ITPR2: variants seen among roughly 807,000 people sequenced by gnomAD.
ITPR2 encodes inositol 1,4,5-trisphosphate receptor type 2.
Under a neutral mutation model 317.1 loss-of-function variants are expected in ITPR2, and 207 were observed. The ratio of observed to expected loss-of-function variants is 0.65; its 90% CI spans 0.58 to 0.73. The LOEUF (loss-of-function observed/expected upper bound fraction) is 0.73. Ranked by LOEUF, ITPR2 falls within the 30% of genes least tolerant of loss-of-function variation. The probability of loss-of-function intolerance (pLI) is 0.00; values close to 1 mark genes in which losing one functional copy is unlikely to be tolerated. For synonymous variants in ITPR2, 1,156 were observed against 1,149.1 expected (o/e 1.01, Z -0.12); for missense variants, 2,613 against 3,284.0 (o/e 0.80, Z 4.99).
In ITPR2 at chr12:26,596,724, T is replaced by G. The variant is rs1164952768; in HGVS notation, c.4254+159A>C. On this transcript the variant is annotated intron_variant, in intron 31 of 56. Coordinates refer to ENST00000381340, the MANE Select transcript of ITPR2 (RefSeq NM_002223.4). ...TTCTTATTAAAAAGTAGACCTTCTA[T>G]GCTCTTTTACATTTTCCAAATTATA... Among the ~76,000 whole-genome samples, 5 of 152,154 alleles carry G rather than the reference T, an allele frequency of 3.3e-5. No individual in the cohort carries two copies. In the East Asian group the frequency reaches 9.7e-4, roughly 29 times the overall value.
At position 26,567,948 on chromosome 12, in the gene ITPR2, TA is replaced by T. The variant is rs1565609261; in HGVS notation, c.4631-5997del. 9.3e-5 allele frequency among the ~76,000 whole-genome samples: 3 copies of T among 32,250 alleles called. 1 individual carries two copies. The highest frequency in any genetic ancestry group is 3.1e-4 in the African/African-American group (3 of 9,608). The allele number at this position is 32,250 out of a possible 152,430, so 21.2% of individuals were successfully genotyped here. ...CTAGAAAAATTCTGGTATATATATATATTATATATATATATATATATTATAT... is the reference window on the plus strand; with the variant it reads ...CTAGAAAAATTCTGGTATATATATATTTATATATATATATATATATTATAT... On this transcript the variant is annotated intron_variant, in intron 34 of 56. Transcript: ENST00000381340.
At chr12:26,724,605 A>T in intron 4 of ITPR2, 51 bp downstream of exon 4, 1 of 1,167,356 alleles carries the variant, frequency 8.6e-7, no homozygotes, top group East Asian at 2.4e-5. Context: ...CTGCCAACTT[A>T]CTGACAAACT....
At chr12:26,763,201 A>T (rs1433395706) in intron 2 of ITPR2, among the ~76,000 whole-genome samples, 4 of 152,148 alleles carry the variant, frequency 2.6e-5, no homozygotes, top group Non-Finnish European at 5.9e-5. Flanking sequence ...TTCATAATGT[A>T]TACATATATT....
At chr12:26,518,663 A>G (rs1943590765) in intron 37 of ITPR2, among the ~76,000 whole-genome samples, 1 of 152,200 alleles carries the variant, frequency 6.6e-6, no homozygotes, top group South Asian at 2.1e-4. Context: ...TTTTAAACCA[A>G]CTCATTAAAT....
At chr12:26,814,909 TTA>T (rs1464760447) in intron 1 of ITPR2, among the ~76,000 whole-genome samples, 6 of 152,182 alleles carry the variant, frequency 3.9e-5, no homozygotes, top group Non-Finnish European at 8.8e-5. Context: ...GATAATTTGA[TTA>T]GTTACTATTT....
In ITPR2 at chr12:26,481,179, G is replaced by A. The variant is rs571575119; in HGVS notation, c.6075C>T (p.Asp2025=). 3 of 1,613,712 alleles carry A rather than the reference G, an allele frequency of 1.9e-6. No homozygotes were observed. Among genetic ancestry groups the A allele is most frequent in the South Asian group, 2.2e-5 (2 of 91,058 alleles). The change falls in exon 43 of 57, where the codon GAC becomes GAT. Residue 2025 remains aspartate, a synonymous_variant. Transcript: ENST00000381340. ...IDIIIALILN[D]INPLGKYRMD... is the part of the protein sequence containing the mutation. ...TTCGGTATTTACCAAGAGGGTTTAT[G>A]TCATTCAGAATCAAAGCAATGATGA...
rs373702971 is a variant in ITPR2 at position 26,443,633 on chromosome 12, T to C, written c.6360A>G (p.Lys2120=). 7.4e-6 allele frequency: 12 copies of C among 1,612,744 alleles called. No homozygotes were observed. Among genetic ancestry groups the C allele is most frequent in the Non-Finnish European group, 8.5e-6 (10 of 1,179,108 alleles). The change falls in exon 46 of 57, where the codon AAA becomes AAG. Residue 2120 remains lysine (K), a synonymous_variant. Transcript: ENST00000381340. The part of the protein sequence containing the change: ...ILAHQLARHN[K]LLQQMLKPGS... The stretch of plus-strand genomic sequence containing the variant: ...CTGGTTTGAGCATCTGCTGCAACAG[T>C]TTATTGTGGCGGGCCAACTAGAGTA...
intron 1 of ITPR2, among the ~76,000 whole-genome samples, chr12:26,791,821 C>T (rs968907878): frequency 5.3e-5 from 8 of 151,968 alleles, no homozygotes; most frequent in Non-Finnish European, 7.4e-5. Context: ...AATATTACAA[C>T]GTAAGATGTA....
At chr12:26,832,526 G>C (rs1951131268) in intron 1 of ITPR2, among the ~76,000 whole-genome samples, 164 bp downstream of exon 1, 1 of 152,220 alleles carries the variant, frequency 6.6e-6, no homozygotes, top group Non-Finnish European at 1.5e-5. Flanking sequence ...TCCTGCGAGC[G>C]GGCGAGCGAG....
intron 36 of ITPR2, among the ~76,000 whole-genome samples, chr12:26,555,563 T>C (rs768665007): frequency 3.3e-5 from 5 of 152,184 alleles, no homozygotes; most frequent in Non-Finnish European, 7.4e-5. Context: ...ACATCTCCCT[T>C]GAGAATTTTT....
intron 13 of ITPR2, among the ~76,000 whole-genome samples, chr12:26,672,949 G>C (rs1412654100): frequency 3.9e-5 from 6 of 152,190 alleles, no homozygotes; most frequent in Admixed American, 6.5e-5. Context: ...AGAAAATCTA[G>C]AAGAAATGGA....
chr12:26,423,492 G>T (rs1416461414), intron 49 of ITPR2, among the ~76,000 whole-genome samples: 2 of 151,932 alleles, frequency 1.3e-5, no homozygotes, highest in Non-Finnish European at 2.9e-5. Context: ...CTATTAGAAA[G>T]GAAAAATCAT....
chr12:26,476,859 T>G, intron 44 of ITPR2, 53 bp downstream of exon 44: 1 of 1,199,010 alleles, frequency 8.3e-7, no homozygotes, highest in Non-Finnish European at 1.2e-6. Context: ...ATTCTCTAAA[T>G]TTTTTCCTTT....
In ITPR2 at chr12:26,494,057, A is replaced by G. The variant is rs1040575149; in HGVS notation, c.5370+96T>C. ...TTTTTTTTTTTTAGATAGTAATAAG[A>G]GCTAAAAGAAACACATTACTTTTCC... On this transcript the variant is annotated intron_variant, in intron 39 of 56. Transcript: ENST00000381340. 9.1e-5 allele frequency: 83 copies of G among 908,094 alleles called. 1 individual carries two copies. In the East Asian group the frequency reaches 2.3e-3, roughly 25 times the overall value. 56.3% of individuals were successfully genotyped at this position (908,094 alleles called of 1,614,324 possible). A position where few individuals can be genotyped will look rare whatever the true frequency, so the allele number is the denominator to read the frequency against.
Position 26,761,159 on chromosome 12 carries a change from T to C in ITPR2, c.163+28998A>G, listed in dbSNP as rs141630083. Among the ~76,000 whole-genome samples, 10 of 151,438 alleles carry C rather than the reference T, an allele frequency of 6.6e-5. No individual in the cohort carries two copies. In the East Asian group the frequency reaches 2.0e-3, roughly 30 times the overall value. ...GACCAAGGCTTCAGGCCCAACCCCA[T>C]AGATTCAAGCACCAGACTCATATAC... On this transcript the variant is annotated intron_variant, in intron 2 of 56. Transcript: ENST00000381340.
At chr12:26,653,944 AATG>A (rs764893551) in intron 21 of ITPR2, 29 bp downstream of exon 21, 1 of 1,567,892 alleles carries the variant, frequency 6.4e-7, no homozygotes. Context: ...AAGTAATAAC[AATG>A]ATATTATCAC....
intron 45 of ITPR2, among the ~76,000 whole-genome samples, chr12:26,445,689 T>C (rs1035340274): frequency 1.3e-5 from 2 of 151,964 alleles, no homozygotes; most frequent in Non-Finnish European, 2.9e-5. Flanking sequence ...ACAGCAGCCG[T>C]TTTAGGAAGT....
chr12:26,595,422 G>A (rs773480974), intron 32 of ITPR2, 43 bp downstream of exon 32: 13 of 1,569,970 alleles, frequency 8.3e-6, no homozygotes, highest in African/African-American at 1.4e-5. Flanking sequence ...CTATTTAGTC[G>A]AAATATCTAT....
chr12:26,544,302 A>G (rs1256654003), intron 37 of ITPR2, among the ~76,000 whole-genome samples: 3 of 152,236 alleles, frequency 2.0e-5, no homozygotes, highest in Admixed American at 6.5e-5. Flanking sequence ...ATCCCTAAGT[A>G]TAATTAATTT....
Sources: gnomAD v4.1 joint callset for allele counts (sites outside exome capture counted in the v4.1 genomes callset) on GRCh38, gnomAD v4.1.1 for gene constraint, MANE v1.5 for transcripts, NCBI Gene and HGNC (gene_info 2026-07-23, HGNC 2026-07-21) for gene names.